Variants in PALLD observed in about 807,000 individuals in gnomAD.
The protein encoded by PALLD is palladin, cytoskeletal associated protein, also known as palladin.
PALLD carries 61 observed loss-of-function variants against 123.5 expected under a neutral mutation model. The observed-to-expected ratio is 0.49, with a 90% CI of 0.40 to 0.61. PALLD has a LOEUF of 0.61. Among genes scored for constraint, PALLD ranks in the 20% least tolerant of loss-of-function variants. The pLI is 0.00. For missense variants in PALLD, 1,273 were observed against 1,377.0 expected (o/e 0.92, Z 1.20); for synonymous variants, 465 against 496.4 (o/e 0.94, Z 0.84).
chr4:168,726,314 C>T (rs970480261), intron 10 of PALLD, among the ~76,000 whole-genome samples: 1 of 152,092 alleles, frequency 6.6e-6, no homozygotes, highest in African/African-American at 2.4e-5. Flanking sequence ...CGCTGAGGAC[C>T]CCATTTTCAT....
At chr4:168,527,442 A>AAAAAAAAAAAAAAAAAAAAAC in intron 2 of PALLD, among the ~76,000 whole-genome samples, 1 of 148,672 alleles carries the variant, frequency 6.7e-6, no homozygotes, top group Non-Finnish European at 1.5e-5. Flanking sequence ...AAAAAAAAAA[A>AAAAAAAAAAAAAAAAAAAAAC]AAGTCATGCT....
At chr4:168,754,509 T>C (rs1279261768) in intron 10 of PALLD, among the ~76,000 whole-genome samples, 1 of 152,224 alleles carries the variant, frequency 6.6e-6, no homozygotes, top group African/African-American at 2.4e-5. Context: ...CAAATATTAC[T>C]TTTCAAATAC....
Position 168,683,690 on chromosome 4 carries a change from G to A in PALLD, c.1260+587G>A, listed in dbSNP as rs113578317. Among the ~76,000 whole-genome samples, 903 of 151,984 alleles carry A rather than the reference G, an allele frequency of 5.9e-3. 6 individuals carry two copies. Among genetic ancestry groups the A allele is most frequent in the African/African-American group, 0.019 (789 of 41,444 alleles). The stretch of plus-strand genomic sequence containing the variant: ...TGAACTTCTTTTAAAAAAAAAAGTA[G>A]AAAACCATTACATCTGGATGTCTCT... On this transcript the variant is annotated intron_variant, in intron 5 of 21. Transcript: ENST00000505667.
chr4:168,732,190 G>A (rs1013658584), intron 10 of PALLD, among the ~76,000 whole-genome samples: 1 of 152,158 alleles, frequency 6.6e-6, no homozygotes, highest in African/African-American at 2.4e-5. Flanking sequence ...TGTAGCGTTG[G>A]ACAAATCCCT....
chr4:168,755,395 C>T (rs78781752), intron 10 of PALLD, among the ~76,000 whole-genome samples: 2,122 of 151,472 alleles, frequency 0.014, 52 homozygotes, highest in African/African-American at 0.048. Flanking sequence ...ACATTTCTAA[C>T]GGGGAAAGAT....
chr4:168,724,567 A>G (rs529282267), intron 10 of PALLD, among the ~76,000 whole-genome samples: 1 of 152,368 alleles, frequency 6.6e-6, no homozygotes, highest in South Asian at 2.1e-4. Flanking sequence ...ATATGTGACA[A>G]GGAATTAGAT....
At chr4:168,786,089 A>C (rs1736714458) in intron 10 of PALLD, among the ~76,000 whole-genome samples, 1 of 151,852 alleles carries the variant, frequency 6.6e-6, no homozygotes, top group Non-Finnish European at 1.5e-5. Context: ...CAACACTTTG[A>C]GAGGCCGAGG....
chr4:168,886,741 A>G (rs1448099096), intron 10 of PALLD, among the ~76,000 whole-genome samples: 1 of 152,220 alleles, frequency 6.6e-6, no homozygotes, highest in African/African-American at 2.4e-5. Context: ...TAAAGAGGAA[A>G]ATGTCTTTAA....
At chr4:168,834,516 A>G (rs1478206867) in intron 10 of PALLD, among the ~76,000 whole-genome samples, 1 of 152,188 alleles carries the variant, frequency 6.6e-6, no homozygotes, top group Non-Finnish European at 1.5e-5. Context: ...AGGCGGGCAG[A>G]TCACGAGGTC....
At chr4:168,783,530 C>G (rs115426229) in intron 10 of PALLD, among the ~76,000 whole-genome samples, 3,218 of 152,068 alleles carry the variant, frequency 0.021, 117 homozygotes, top group African/African-American at 0.072. Context: ...TCAGAGAAAA[C>G]GAATAGTTAA....
chr4:168,863,217 T>C (rs1418576687), intron 10 of PALLD, among the ~76,000 whole-genome samples: 1 of 152,058 alleles, frequency 6.6e-6, no homozygotes, highest in Admixed American at 6.5e-5. Context: ...CAGAAAGAGA[T>C]CCAAGCACCA....
chr4:168,872,945 T>G (rs1352905173), intron 10 of PALLD, among the ~76,000 whole-genome samples: 2 of 152,224 alleles, frequency 1.3e-5, no homozygotes, highest in African/African-American at 4.8e-5. Context: ...ATTTTCTATT[T>G]TATACATTCC....
At chr4:168,795,378 C>T (rs1362245740) in intron 10 of PALLD, among the ~76,000 whole-genome samples, 1 of 152,054 alleles carries the variant, frequency 6.6e-6, no homozygotes, top group Non-Finnish European at 1.5e-5. Context: ...ATCAAGAATG[C>T]ATAATAGGTG....
intron 17 of PALLD, among the ~76,000 whole-genome samples, chr4:168,916,963 C>A (rs1760258250): frequency 6.6e-6 from 1 of 151,610 alleles, no homozygotes; most frequent in Admixed American, 6.6e-5. Context: ...GCCACAGTGC[C>A]CCGCCCCCAT....
At chr4:168,892,263 G>C (rs779117316) in intron 11 of PALLD, among the ~76,000 whole-genome samples, 10 of 152,096 alleles carry the variant, frequency 6.6e-5, no homozygotes, top group Non-Finnish European at 1.3e-4. Flanking sequence ...CTTTATTAAG[G>C]AATTGTCACT....
At chr4:168,835,701 GT>G (rs1745077173) in intron 10 of PALLD, among the ~76,000 whole-genome samples, 3 of 144,930 alleles carry the variant, frequency 2.1e-5, no homozygotes, top group Non-Finnish European at 4.7e-5. Context: ...TTTTTTGTTT[GT>G]TTTGTTGTTT....
intron 2 of PALLD, among the ~76,000 whole-genome samples, chr4:168,631,274 T>A (rs978210701): frequency 1.3e-5 from 2 of 152,236 alleles, no homozygotes; most frequent in Admixed American, 1.3e-4. Context: ...TGATTTCTTT[T>A]ATCAGTAATA....
rs576372094 is a variant in PALLD, at chr4:168,631,999, T to G, written c.909-36191T>G. 110 of 717,444 alleles carry G rather than the reference T, an allele frequency of 1.5e-4. No individual in the cohort carries two copies. In the African/African-American group the frequency reaches 1.8e-3, roughly 12 times the overall value. 44.4% of individuals were successfully genotyped at this position (717,444 alleles called of 1,614,324 possible). A position where few individuals can be genotyped will look rare whatever the true frequency, so the allele number is the denominator to read the frequency against. ...AAGTACTCGTGCGAAGAGTACTGTT[T>G]GGGGTGTTTAGTTGTAGTGGACTCA... is the stretch of plus-strand genomic sequence containing the variant. On this transcript the variant is annotated intron_variant, in intron 2 of 21. Transcript: ENST00000505667.
rs1561490656 is a variant in PALLD at position 168,759,205 on chromosome 4, ATATATATATATAT to A, written c.1964+47283_1964+47295del. Among the ~76,000 whole-genome samples the A allele has an allele frequency of 9.4e-3, 424 of 45,240 alleles. 69 individuals are homozygous for A. Among genetic ancestry groups the A allele is most frequent in the African/African-American group, 0.012 (85 of 7,294 alleles). 29.7% of individuals were successfully genotyped at this position (45,240 alleles called of 152,430 possible). ...AAAAAAAAAAAAAAAAAAAAAAAAT[ATATATATATATAT>A]ATATATATATATATATATATATATA... On this transcript the variant is annotated intron_variant, in intron 10 of 21. Coordinates refer to ENST00000505667, the MANE Select transcript of PALLD (RefSeq NM_001166108.2).
Sources: gnomAD v4.1 joint callset for allele counts (sites outside exome capture counted in the v4.1 genomes callset) on GRCh38, gnomAD v4.1.1 for gene constraint, MANE v1.5 for transcripts, NCBI Gene and HGNC (gene_info 2026-07-23, HGNC 2026-07-21) for gene names.